Variants in ZNF618 observed in about 807,000 individuals in gnomAD.
The protein encoded by ZNF618 is zinc finger protein 618, also known as neural precursor cell expressed, developmentally down-regulated 10.
A neutral mutation model predicts 103.0 loss-of-function variants in ZNF618; 34 were observed. The observed-to-expected ratio is 0.33, with a 90% CI of 0.25 to 0.44. The LOEUF (loss-of-function observed/expected upper bound fraction) is 0.44. ZNF618 is among the 20% of genes least tolerant of loss of function. The pLI is 1.00. For missense variants in ZNF618, 1,059 were observed against 1,295.4 expected (o/e 0.82, Z 2.80); for synonymous variants, 551 against 542.2 (o/e 1.02, Z -0.23).
rs1045909030 is a variant in ZNF618 at position 113,925,330 on chromosome 9, T to A, written c.34-43787T>A. Reference sequence around the variant, plus strand: ...TTAATATAGCTACTCTAGGTTTTTTTAATTAGTCTTAGTATGGTATATCTT... The same window carrying A: ...TTAATATAGCTACTCTAGGTTTTTTAAATTAGTCTTAGTATGGTATATCTT... On this transcript the variant is annotated intron_variant, in intron 1 of 14. Coordinates refer to ENST00000374126, the MANE Select transcript of ZNF618 (RefSeq NM_001318042.2). Among the ~76,000 whole-genome samples, 8 of 152,194 alleles carry A rather than the reference T, an allele frequency of 5.3e-5. 1 individual carries two copies. The highest frequency in any genetic ancestry group is 4.2e-4 in the South Asian group (2 of 4,818).
At chr9:113,916,664 G>A (rs1002526694) in intron 1 of ZNF618, among the ~76,000 whole-genome samples, 1 of 152,156 alleles carries the variant, frequency 6.6e-6, no homozygotes, top group Non-Finnish European at 1.5e-5. Context: ...TAGAAGATGA[G>A]AACTGATGAG....
At chr9:113,962,004 G>C (rs1369112973) in intron 1 of ZNF618, among the ~76,000 whole-genome samples, 1 of 152,170 alleles carries the variant, frequency 6.6e-6, no homozygotes, top group Non-Finnish European at 1.5e-5. Context: ...AGCCACTGGC[G>C]GTGGTATGAC....
Position 114,023,704 on chromosome 9 carries a change from T to G in ZNF618, c.845-5029T>G, listed in dbSNP as rs147689556. Among the ~76,000 whole-genome samples the G allele has an allele frequency of 6.4e-3, 973 of 152,264 alleles. 14 individuals are homozygous for G. Among genetic ancestry groups the G allele is most frequent in the East Asian group, 0.044 (228 of 5,186 alleles). ...TGAAGATGTTTTTATTTCACATATTTTTTTGAAGGATTTTTTTTCTGGATA... is the reference window on the plus strand; with the variant it reads ...TGAAGATGTTTTTATTTCACATATTGTTTTGAAGGATTTTTTTTCTGGATA... On this transcript the variant is annotated intron_variant, in intron 10 of 14. Coordinates refer to ENST00000374126, the MANE Select transcript of ZNF618 (RefSeq NM_001318042.2).
chr9:114,004,646 A>G (rs1841575347), intron 6 of ZNF618, among the ~76,000 whole-genome samples: 1 of 151,906 alleles, frequency 6.6e-6, no homozygotes, highest in Non-Finnish European at 1.5e-5. Flanking sequence ...ATTGCGCGCT[A>G]TTTTATTCTC....
intron 1 of ZNF618, among the ~76,000 whole-genome samples, chr9:113,901,971 C>A (rs1212833514): frequency 2.0e-5 from 3 of 152,006 alleles, no homozygotes; most frequent in African/African-American, 7.3e-5. Flanking sequence ...CCTTTTTGGG[C>A]CTGTTTTTGC....
chr9:113,954,376 C>T (rs1386236143), intron 1 of ZNF618, among the ~76,000 whole-genome samples: 2 of 152,172 alleles, frequency 1.3e-5, no homozygotes, highest in Non-Finnish European at 2.9e-5. Flanking sequence ...CCGTACTTCT[C>T]TCAGCAACAC....
intron 2 of ZNF618, among the ~76,000 whole-genome samples, chr9:113,974,738 C>G (rs187888073): frequency 1.5e-3 from 232 of 152,232 alleles, no homozygotes; most frequent in African/African-American, 5.3e-3. Context: ...TCCATGCCCC[C>G]CTGCACCCCC....
chr9:114,002,173 C>A (rs886205218), intron 5 of ZNF618, 100 bp downstream of exon 5: 1 of 1,016,056 alleles, frequency 9.8e-7, no homozygotes, highest in Non-Finnish European at 1.5e-6. Flanking sequence ...GAGGCCCTGA[C>A]AGCTCCAGCC....
At chr9:113,939,820 A>G (rs979245341) in intron 1 of ZNF618, among the ~76,000 whole-genome samples, 3 of 151,168 alleles carry the variant, frequency 2.0e-5, no homozygotes, top group Admixed American at 2.0e-4. Context: ...CCACTTTTTC[A>G]TTTTTTAATA....
intron 1 of ZNF618, among the ~76,000 whole-genome samples, chr9:113,947,448 C>G (rs1454581730): frequency 6.6e-6 from 1 of 152,148 alleles, no homozygotes; most frequent in Non-Finnish European, 1.5e-5. Flanking sequence ...TGACACCAGC[C>G]AGGTCCTCCT....
At chr9:113,978,874 G>A (rs145008077) in intron 2 of ZNF618, among the ~76,000 whole-genome samples, 103 of 152,126 alleles carry the variant, frequency 6.8e-4, no homozygotes, top group African/African-American at 2.4e-3. Context: ...GTGTGGGCCC[G>A]GAGCACCGCC....
At chr9:114,004,407 A>G (rs940236352) in intron 6 of ZNF618, among the ~76,000 whole-genome samples, 1 of 152,100 alleles carries the variant, frequency 6.6e-6, no homozygotes, top group Non-Finnish European at 1.5e-5. Flanking sequence ...TCCGGCTCCC[A>G]TGGACTGGCT....
intron 1 of ZNF618, among the ~76,000 whole-genome samples, chr9:113,961,914 T>C (rs1412846375): frequency 1.3e-5 from 2 of 152,186 alleles, no homozygotes; most frequent in African/African-American, 4.8e-5. Context: ...GTTTTATCCA[T>C]TGGTTCCATA....
chr9:114,047,874 GT>G lies in ZNF618; in HGVS notation c.1247-18del. 1.9e-6 allele frequency: 3 copies of G among 1,581,278 alleles called. No homozygotes were observed. The highest frequency in any genetic ancestry group is 1.3e-5 in the African/African-American group (1 of 74,290). On this transcript the variant is annotated intron_variant, in intron 13 of 14. Coordinates refer to ENST00000374126, the MANE Select transcript of ZNF618 (RefSeq NM_001318042.2). ...CTCTTACCCTTCCAGGTAACACACTGTCCCCTTTGTGCCCACAGCTGACAAT... is the reference window on the plus strand; with the variant it reads ...CTCTTACCCTTCCAGGTAACACACTGCCCCTTTGTGCCCACAGCTGACAAT...
rs1398661114 is a variant in ZNF618, at chr9:114,056,059, A to C, written c.*5892A>C. ...TGTGCGGTCTCCTGTATCGGTGTGG[A>C]TCCAACAGCTCTCCAGGGAGTCACA... On this transcript the variant is annotated 3_prime_UTR_variant, in exon 15 of 15. Coordinates refer to ENST00000374126, the MANE Select transcript of ZNF618 (RefSeq NM_001318042.2). 6.6e-6 allele frequency: 1 copy of C among 152,236 alleles called. No homozygotes were observed. Among genetic ancestry groups the C allele is most frequent in the Non-Finnish European group, 1.5e-5 (1 of 67,972 alleles). 9.4% of individuals were successfully genotyped at this position (152,236 alleles called of 1,614,324 possible). A position where few individuals can be genotyped will look rare whatever the true frequency, so the allele number is the denominator to read the frequency against.
Position 114,032,621 on chromosome 9 carries a change from TTCTC to T in ZNF618, c.1085-19_1085-16del. 1.2e-6 allele frequency: 2 copies of T among 1,612,002 alleles called. No homozygotes were observed. Among genetic ancestry groups the T allele is most frequent in the Non-Finnish European group, 1.7e-6 (2 of 1,178,114 alleles). On this transcript the variant is annotated intron_variant, in intron 11 of 14. Coordinates refer to ENST00000374126, the MANE Select transcript of ZNF618 (RefSeq NM_001318042.2). ...TGCTGACCAATCACCATTGTTTTCT[TTCTC>T]TCTCCTGTCCCCCACCCAGCAGAAA...
intron 13 of ZNF618, among the ~76,000 whole-genome samples, chr9:114,046,743 A>C (rs1170074707): frequency 6.6e-6 from 1 of 152,214 alleles, no homozygotes; most frequent in Admixed American, 6.5e-5. Context: ...TGTTTTTATC[A>C]TGAAAAAGGT....
At chr9:113,947,540 G>T (rs781129079) in intron 1 of ZNF618, among the ~76,000 whole-genome samples, 10 of 152,168 alleles carry the variant, frequency 6.6e-5, no homozygotes, top group African/African-American at 2.4e-4. Context: ...GACCCCTACC[G>T]GAACCTTCCA....
At chr9:113,881,852 A>G (rs1000294965) in intron 1 of ZNF618, among the ~76,000 whole-genome samples, 2 of 152,182 alleles carry the variant, frequency 1.3e-5, no homozygotes, top group Admixed American at 6.5e-5. Context: ...ATTTGTCCCA[A>G]CGCAGACTTC....
Sources: allele counts gnomAD v4.1 joint callset (sites outside exome capture counted in the v4.1 genomes callset), GRCh38; gene constraint gnomAD v4.1.1; transcripts MANE v1.5; gene names NCBI Gene and HGNC (gene_info 2026-07-23, HGNC 2026-07-21).